TACR3: variants seen among roughly 807,000 people sequenced by gnomAD.
The protein encoded by TACR3 is tachykinin receptor 3, also known as neuromedin-K receptor.
In TACR3, 34 loss-of-function variants were observed where a neutral mutation model predicts 35.0. The observed-to-expected ratio is 0.97, with a 90% CI of 0.74 to 1.30. The LOEUF (loss-of-function observed/expected upper bound fraction) is 1.30, where lower values mean the gene tolerates loss of function less well. TACR3 is among the 50% of genes most tolerant of loss of function. TACR3 has a pLI of 0.00. For synonymous variants in TACR3, 233 were observed against 221.1 expected (o/e 1.05, Z -0.48); for missense variants, 558 against 591.7 (o/e 0.94, Z 0.59).
Position 103,595,906 on chromosome 4 carries a change from C to A in TACR3, c.889-4223G>T, listed in dbSNP as rs1488247350. Among the ~76,000 whole-genome samples, 3 of 120,940 alleles carry A rather than the reference C, an allele frequency of 2.5e-5. No homozygotes were observed. The Admixed American group carries it at 2.7e-4, about 11-fold the overall frequency. The allele number at this position is 120,940 out of a possible 152,430, so 79.3% of individuals were successfully genotyped here. ...CCAATGCTATCCCTCCCCCCTCCCC[C>A]CACCCCACAACAGTCCCCAGAGTGT... On this transcript the variant is annotated intron_variant, in intron 3 of 4. Coordinates refer to ENST00000304883, the MANE Select transcript of TACR3 (RefSeq NM_001059.3).
chr4:103,684,132 CA>C (rs34340725), intron 1 of TACR3, among the ~76,000 whole-genome samples: 52,106 of 151,768 alleles, frequency 0.34, 13,918 homozygotes, highest in African/African-American at 0.74. Flanking sequence ...TGTTGAAAGA[CA>C]AAAAAACTGT....
chr4:103,681,453 A>T (rs1165005302), intron 1 of TACR3, among the ~76,000 whole-genome samples: 1 of 152,134 alleles, frequency 6.6e-6, no homozygotes, highest in Non-Finnish European at 1.5e-5. Flanking sequence ...ATAACGGCAT[A>T]GGTATATTAA....
intron 3 of TACR3, among the ~76,000 whole-genome samples, chr4:103,649,051 C>T (rs1379144246): frequency 6.6e-6 from 1 of 151,970 alleles, no homozygotes; most frequent in East Asian, 1.9e-4. Flanking sequence ...TGTTGAGCAT[C>T]TTTTTTATGC....
Position 103,587,131 on chromosome 4 carries a change from A to G in TACR3, c.*2551T>C, listed in dbSNP as rs921158385. ...CAGATTCTTTCCAAGCTTAGCAAAT[A>G]TGAAAACACTGGGATGACTTTATTT... On this transcript the variant is annotated 3_prime_UTR_variant, in exon 5 of 5. Transcript: ENST00000304883. The G allele has an allele frequency of 2.0e-5, 3 of 152,096 alleles. No homozygotes were observed. The highest frequency in any genetic ancestry group is 4.4e-5 in the Non-Finnish European group (3 of 68,020). 9.4% of individuals were successfully genotyped at this position (152,096 alleles called of 1,614,324 possible).
At chr4:103,617,204 C>T (rs1459244824) in intron 3 of TACR3, among the ~76,000 whole-genome samples, 2 of 151,756 alleles carry the variant, frequency 1.3e-5, no homozygotes, top group African/African-American at 4.8e-5. Flanking sequence ...CAGGGAAGAC[C>T]TTTAAATAAG....
intron 3 of TACR3, among the ~76,000 whole-genome samples, chr4:103,591,886 C>T (rs1269773139): frequency 6.6e-6 from 1 of 152,102 alleles, no homozygotes; most frequent in Admixed American, 6.6e-5. Flanking sequence ...CTATTCATTT[C>T]TACCTATCTA....
rs1189367411 is a variant in TACR3, at chr4:103,650,745, AAT to A, written c.888+5447_888+5448del. Among the ~76,000 whole-genome samples the A allele has an allele frequency of 2.5e-4, 22 of 88,530 alleles. 1 individual carries two copies. The highest frequency in any genetic ancestry group is 7.2e-4 in the African/African-American group (15 of 20,964). 58.1% of individuals were successfully genotyped at this position (88,530 alleles called of 152,430 possible). A position where few individuals can be genotyped will look rare whatever the true frequency, so the allele number is the denominator to read the frequency against. ...AATAAATATATATTATATCATATATAATATATATATTATATATGATGTATATA... is the reference window on the plus strand; with the variant it reads ...AATAAATATATATTATATCATATATAATATATATTATATATGATGTATATA... On this transcript the variant is annotated intron_variant, in intron 3 of 4. Transcript: ENST00000304883.
Position 103,620,612 on chromosome 4 carries a change from G to A in TACR3, c.889-28929C>T, listed in dbSNP as rs114794196. ...CCTTTGCAGGGACATGGATGATCCC[G>A]GAGGTCGTTATCCTAAACAAACTAA... On this transcript the variant is annotated intron_variant, in intron 3 of 4. Coordinates refer to ENST00000304883, the MANE Select transcript of TACR3 (RefSeq NM_001059.3). Among the ~76,000 whole-genome samples the A allele has an allele frequency of 6.5e-3, 983 of 152,272 alleles. 8 individuals carry two copies. The highest frequency in any genetic ancestry group is 8.4e-3 in the Non-Finnish European group (571 of 68,004).
chr4:103,640,963 A>C (rs751347034), intron 3 of TACR3, among the ~76,000 whole-genome samples: 48 of 152,020 alleles, frequency 3.2e-4, no homozygotes, highest in Middle Eastern at 3.4e-3. Flanking sequence ...GGCTAAACCC[A>C]AAAAAATAAT....
intron 1 of TACR3, among the ~76,000 whole-genome samples, chr4:103,686,979 C>T (rs900538146): frequency 1.1e-4 from 16 of 152,084 alleles, no homozygotes; most frequent in Non-Finnish European, 1.5e-4. Context: ...TTGATGAACA[C>T]TGATGCAAAA....
intron 3 of TACR3, among the ~76,000 whole-genome samples, chr4:103,607,544 C>G (rs935249621): frequency 6.6e-6 from 1 of 151,730 alleles, no homozygotes; most frequent in Non-Finnish European, 1.5e-5. Context: ...CTCTAGCAGG[C>G]TGGATGTTTG....
At chr4:103,634,812 T>A (rs528550211) in intron 3 of TACR3, among the ~76,000 whole-genome samples, 1 of 152,222 alleles carries the variant, frequency 6.6e-6, no homozygotes, top group Non-Finnish European at 1.5e-5. Flanking sequence ...TGGTGATTAT[T>A]TTAAAAGGTT....
intron 1 of TACR3, among the ~76,000 whole-genome samples, chr4:103,698,036 T>C (rs1722564308): frequency 6.6e-6 from 1 of 152,194 alleles, no homozygotes; most frequent in Non-Finnish European, 1.5e-5. Context: ...ACTACTATTG[T>C]TTGATTCTGA....
chr4:103,615,980 C>T (rs935626900), intron 3 of TACR3, among the ~76,000 whole-genome samples: 10 of 151,956 alleles, frequency 6.6e-5, no homozygotes, highest in Admixed American at 2.6e-4. Context: ...TTGACAATTC[C>T]GGAAATACAT....
intron 1 of TACR3, among the ~76,000 whole-genome samples, chr4:103,680,649 G>A (rs1722039497): frequency 6.6e-6 from 1 of 151,288 alleles, no homozygotes; most frequent in African/African-American, 2.4e-5. Context: ...CTAACAGATA[G>A]CTAAGAATAG....
Position 103,666,700 on chromosome 4 carries a change from G to T in TACR3, c.549-8297C>A, listed in dbSNP as rs548676607. 1.3e-4 allele frequency among the ~76,000 whole-genome samples: 20 copies of T among 152,154 alleles called. 1 individual carries two copies. In the South Asian group the frequency reaches 4.0e-3, roughly 30 times the overall value. On this transcript the variant is annotated intron_variant, in intron 1 of 4. Transcript: ENST00000304883. Reference sequence around the variant, plus strand: ...TGCCTACTCAAAATTTCAGATAACAGATTTAGAAGTAGTAATCTATAGTGG... The same window carrying T: ...TGCCTACTCAAAATTTCAGATAACATATTTAGAAGTAGTAATCTATAGTGG...
chr4:103,637,058 A>G, intron 3 of TACR3, among the ~76,000 whole-genome samples: 1 of 152,194 alleles, frequency 6.6e-6, no homozygotes, highest in Non-Finnish European at 1.5e-5. Flanking sequence ...AATCAATAGC[A>G]AAAGAGGGAA....
chr4:103,716,018 A>C (rs1357854011), intron 1 of TACR3, among the ~76,000 whole-genome samples: 1 of 152,230 alleles, frequency 6.6e-6, no homozygotes, highest in Non-Finnish European at 1.5e-5. Flanking sequence ...GTTAGGTGTC[A>C]TAATAGTGTA....
intron 1 of TACR3, among the ~76,000 whole-genome samples, chr4:103,704,995 A>T (rs1231058730): frequency 6.6e-6 from 1 of 152,070 alleles, no homozygotes; most frequent in Non-Finnish European, 1.5e-5. Flanking sequence ...TCGTTTTTGG[A>T]TGCTCTATAA....
Sources: allele counts gnomAD v4.1 joint callset (sites outside exome capture counted in the v4.1 genomes callset), GRCh38; gene constraint gnomAD v4.1.1; transcripts MANE v1.5; gene names NCBI Gene and HGNC (gene_info 2026-07-23, HGNC 2026-07-21).